ELP4: variants seen among roughly 807,000 people sequenced by gnomAD.
The protein encoded by ELP4 is elongator acetyltransferase complex subunit 4.
A neutral mutation model predicts 48.9 loss-of-function variants in ELP4; 51 were observed. The observed-to-expected ratio is 1.04, with a 90% confidence interval of 0.83 to 1.32. The LOEUF is 1.32. Ranked by LOEUF, ELP4 falls within the 40% of genes most tolerant of loss-of-function variation. ELP4 has a pLI of 0.00. For synonymous variants in ELP4, 210 were observed against 189.2 expected (o/e 1.11, Z -0.90); for missense variants, 519 against 514.6 (o/e 1.01, Z -0.08).
intron 3 of ELP4, among the ~76,000 whole-genome samples, chr11:31,551,154 CTG>C (rs776525090): frequency 2.0e-5 from 3 of 152,142 alleles, no homozygotes; most frequent in African/African-American, 4.8e-5. Context: ...TTAGTCAGAA[CTG>C]TGTCAGCTGA....
chr11:31,767,455 A>G (rs1948065662), intron 9 of ELP4: 1 of 152,118 alleles, frequency 6.6e-6, no homozygotes, highest in Non-Finnish European at 1.5e-5. Context: ...ATATAAAAGC[A>G]AATTACTTTT....
intron 7 of ELP4, among the ~76,000 whole-genome samples, chr11:31,644,581 G>A (rs2134065118): frequency 6.6e-6 from 1 of 151,776 alleles, no homozygotes; most frequent in Non-Finnish European, 1.5e-5. Context: ...GTGTATTCCT[G>A]CTAAAGTGAA....
At chr11:31,756,479 C>CTT (rs2134246837) in intron 9 of ELP4, among the ~76,000 whole-genome samples, 1 of 152,270 alleles carries the variant, frequency 6.6e-6, no homozygotes, top group South Asian at 2.1e-4. Flanking sequence ...TCTAATTTCC[C>CTT]ATCTAACTCT....
intron 5 of ELP4, among the ~76,000 whole-genome samples, chr11:31,605,260 A>G (rs72892570): frequency 0.042 from 6,355 of 152,096 alleles, 213 homozygotes; most frequent in Admixed American, 0.072. Flanking sequence ...AGTGAAAATC[A>G]ATATCTTCAT....
chr11:31,726,209 A>G (rs1403421611), intron 9 of ELP4, among the ~76,000 whole-genome samples: 1 of 152,190 alleles, frequency 6.6e-6, no homozygotes, highest in South Asian at 2.1e-4. Flanking sequence ...GGAACATCAG[A>G]TCAAGGGGTT....
At chr11:31,599,522 C>CACACAAAA (rs1350916176) in intron 4 of ELP4, 17 of 126,618 alleles carry the variant, frequency 1.3e-4, no homozygotes, top group African/African-American at 6.1e-4. Context: ...CACACACACA[C>CACACAAAA]AAAAAAAAAA....
chr11:31,666,602 G>C (rs1945683488), intron 9 of ELP4, among the ~76,000 whole-genome samples: 1 of 149,654 alleles, frequency 6.7e-6, no homozygotes, highest in Non-Finnish European at 1.5e-5. Context: ...TGAGGCAGGA[G>C]AATCACTTGA....
At chr11:31,543,436 C>T (rs1956626969) in intron 3 of ELP4, among the ~76,000 whole-genome samples, 3 of 152,158 alleles carry the variant, frequency 2.0e-5, no homozygotes, top group African/African-American at 7.2e-5. Context: ...TCTCCTGCCT[C>T]AGCCTCCCAA....
At chr11:31,658,938 A>G (rs1465947264) in intron 9 of ELP4, among the ~76,000 whole-genome samples, 1 of 152,024 alleles carries the variant, frequency 6.6e-6, no homozygotes, top group Non-Finnish European at 1.5e-5. Context: ...AAGTTCTTTA[A>G]ATACCATCTT....
intron 8 of ELP4, 65 bp downstream of exon 8, chr11:31,647,914 C>A: frequency 1.2e-6 from 1 of 857,278 alleles, no homozygotes; most frequent in African/African-American, 1.7e-5. Flanking sequence ...TGGAAGCATC[C>A]TATTCAATCC....
chr11:31,553,813 A>G (rs949060596), intron 3 of ELP4, among the ~76,000 whole-genome samples: 1 of 151,674 alleles, frequency 6.6e-6, no homozygotes, highest in Non-Finnish European at 1.5e-5. Context: ...ACAGTTTTTA[A>G]TGTTTTAAAG....
intron 9 of ELP4, among the ~76,000 whole-genome samples, chr11:31,682,282 C>T (rs1411608122): frequency 6.6e-6 from 1 of 152,096 alleles, no homozygotes; most frequent in East Asian, 1.9e-4. Flanking sequence ...ATTAGTGGCC[C>T]ATCAATAAGA....
intron 9 of ELP4, among the ~76,000 whole-genome samples, chr11:31,752,691 G>A (rs554385136): frequency 6.1e-4 from 93 of 152,014 alleles, no homozygotes; most frequent in African/African-American, 1.4e-3. Context: ...AAAATTAGCC[G>A]GGCATGGTGG....
At chr11:31,540,053 T>C (rs1956568045) in intron 3 of ELP4, among the ~76,000 whole-genome samples, 1 of 152,170 alleles carries the variant, frequency 6.6e-6, no homozygotes, top group Non-Finnish European at 1.5e-5. Context: ...TAAATAAAAT[T>C]ACTAGACCAG....
chr11:31,729,487 A>C (rs1293710277), intron 9 of ELP4, among the ~76,000 whole-genome samples: 2 of 152,228 alleles, frequency 1.3e-5, no homozygotes, highest in African/African-American at 4.8e-5. Flanking sequence ...AATAGATACC[A>C]ATACTGACAT....
At chr11:31,524,230 A>G (rs537427) in intron 2 of ELP4, among the ~76,000 whole-genome samples, 58,955 of 152,076 alleles carry the variant, frequency 0.39, 14,994 homozygotes, top group African/African-American at 0.72. Context: ...CAGGAATCTA[A>G]GCACACTCCC....
intron 7 of ELP4, among the ~76,000 whole-genome samples, chr11:31,639,064 ATAGT>A (rs1204658555): frequency 6.6e-6 from 1 of 151,870 alleles, no homozygotes; most frequent in Non-Finnish European, 1.5e-5. Context: ...ATTAAGAAGA[ATAGT>A]TAGGGATGAA....
chr11:31,678,595 C>A (rs1278407849), intron 9 of ELP4, among the ~76,000 whole-genome samples: 1 of 149,410 alleles, frequency 6.7e-6, no homozygotes, highest in African/African-American at 2.5e-5. Flanking sequence ...TAACTCATTT[C>A]TTTTAGTGCT....
At chr11:31,510,130 G>T in intron 1 of ELP4, 123 bp downstream of exon 1, 2 of 874,652 alleles carry the variant, frequency 2.3e-6, no homozygotes, top group Non-Finnish European at 3.5e-6. Context: ...GGAGAGAATA[G>T]CCTGGTCTGA....
Sources: allele counts gnomAD v4.1 joint callset (sites outside exome capture counted in the v4.1 genomes callset), GRCh38; gene constraint gnomAD v4.1.1; transcripts MANE v1.5; gene names NCBI Gene and HGNC (gene_info 2026-07-23, HGNC 2026-07-21).